SCN8A: variants seen among roughly 807,000 people sequenced by gnomAD.
The protein encoded by SCN8A is sodium voltage-gated channel alpha subunit 8.
Under a neutral mutation model 184.1 loss-of-function variants are expected in SCN8A, and 30 were observed. The ratio of observed to expected loss-of-function variants is 0.16; its 90% CI spans 0.12 to 0.22. The LOEUF is 0.22. Ranked by LOEUF, SCN8A falls within the 10% of genes least tolerant of loss-of-function variation. SCN8A has a pLI of 1.00. For missense variants in SCN8A, 1,057 were observed against 2,498.9 expected (o/e 0.42, Z 12.30); for synonymous variants, 852 against 907.0 (o/e 0.94, Z 1.09).
rs1170421131 is a variant in SCN8A at position 51,721,884 on chromosome 12, C to T, written c.1974C>T (p.His658=). 6.2e-7 allele frequency: 1 copy of T among 1,600,906 alleles called. No individual in the cohort carries two copies. Among genetic ancestry groups the T allele is most frequent in the South Asian group, 1.1e-5 (1 of 91,084 alleles). Residue 658 remains histidine, a synonymous_variant, in exon 12 of 27, where the codon CAC becomes CAT. Coordinates refer to ENST00000627620, the MANE Select transcript of SCN8A (RefSeq NM_001330260.2). ...VVSLIGGPGS[H]IGGRLLPEAT... is the part of the protein sequence containing the mutation. ...CCCTCATCGGCGGCCCCGGCTCCCA[C>T]ATCGGCGGGCGTCTCCTGCCAGAGG... is the stretch of plus-strand genomic sequence containing the variant.
At chr12:51,774,385 C>T (rs772081898) in intron 20 of SCN8A, 23 bp downstream of exon 20, 3 of 1,577,958 alleles carry the variant, frequency 1.9e-6, no homozygotes, top group South Asian at 2.4e-5. Flanking sequence ...CTTTCTGTTT[C>T]CCACCCCTTC....
At chr12:51,791,833 G>A (rs1375168257) in intron 25 of SCN8A, among the ~76,000 whole-genome samples, 2 of 152,104 alleles carry the variant, frequency 1.3e-5, no homozygotes, top group African/African-American at 2.4e-5. Flanking sequence ...AGCCATGACC[G>A]TGCCACTGTA....
At chr12:51,701,102 T>C in intron 7 of SCN8A, 42 bp from the exon 8 acceptor site, 1 of 1,418,948 alleles carries the variant, frequency 7.0e-7, no homozygotes, top group Non-Finnish European at 1.0e-6. Context: ...CTCATTCACT[T>C]AAATCTGCCT....
In SCN8A at chr12:51,746,315, CTGTCAT is replaced by C. The variant is rs148715701; in HGVS notation, c.2131+287_2131+292del. Among the ~76,000 whole-genome samples the C allele has an allele frequency of 2.3e-3, 355 of 152,278 alleles. 2 individuals carry two copies. Among genetic ancestry groups the C allele is most frequent in the African/African-American group, 8.0e-3 (332 of 41,548 alleles). On this transcript the variant is annotated intron_variant, in intron 13 of 26. Transcript: ENST00000627620. ...AGTGACCTAGAGGAGCTCAAGACCC[CTGTCAT>C]TGTCATCATGAGGAGTCAGTGGGGT...
At chr12:51,598,984 G>A (rs1034037267) in intron 1 of SCN8A, among the ~76,000 whole-genome samples, 2 of 152,138 alleles carry the variant, frequency 1.3e-5, no homozygotes, top group Non-Finnish European at 2.9e-5. Flanking sequence ...TAATGTGCAA[G>A]TTAGTTTGGG....
chr12:51,617,263 G>C (rs1170797731), intron 1 of SCN8A, among the ~76,000 whole-genome samples: 1 of 151,938 alleles, frequency 6.6e-6, no homozygotes, highest in African/African-American at 2.4e-5. Flanking sequence ...TTGTCCCATG[G>C]GTCATTGAGA....
chr12:51,664,882 C>A (rs371979640), intron 2 of SCN8A, among the ~76,000 whole-genome samples: 5 of 152,096 alleles, frequency 3.3e-5, no homozygotes, highest in Non-Finnish European at 7.4e-5. Context: ...CTCCCTCCCC[C>A]CATTCCCTAC....
chr12:51,788,761 A>G lies in SCN8A; in HGVS notation c.4281+13A>G, dbSNP rs9943809. On this transcript the variant is annotated intron_variant, in intron 23 of 26. Transcript: ENST00000627620. ...AGATTCCCGGAAGGTAAGGATGTACATGGCGAAAATACCACCTTCTCAGAT... is the reference window on the plus strand; with the variant it reads ...AGATTCCCGGAAGGTAAGGATGTACGTGGCGAAAATACCACCTTCTCAGAT... 0.1 allele frequency: 163,750 copies of G among 1,603,488 alleles called. 12,285 individuals carry two copies. Among genetic ancestry groups the G allele is most frequent in the East Asian group, 0.42 (18,532 of 44,208 alleles).
chr12:51,663,274 G>C (rs1042107457), intron 2 of SCN8A, among the ~76,000 whole-genome samples, 181 bp downstream of exon 2: 1 of 152,106 alleles, frequency 6.6e-6, no homozygotes, highest in Non-Finnish European at 1.5e-5. Context: ...TTGTGGTCTT[G>C]GCACTCATCA....
intron 19 of SCN8A, among the ~76,000 whole-genome samples, chr12:51,773,254 TCCTC>T (rs1942957160): frequency 6.6e-6 from 1 of 152,150 alleles, no homozygotes; most frequent in Admixed American, 6.5e-5. Flanking sequence ...ACAGAGGACT[TCCTC>T]CCCACCTCCA....
intron 26 of SCN8A, among the ~76,000 whole-genome samples, chr12:51,798,002 C>G (rs1471999610): frequency 6.6e-6 from 1 of 152,112 alleles, no homozygotes; most frequent in South Asian, 2.1e-4. Context: ...CCATTTCCAC[C>G]CCTTGATTCC....
At chr12:51,645,774 C>T (rs1592351750) in intron 1 of SCN8A, among the ~76,000 whole-genome samples, 1 of 147,686 alleles carries the variant, frequency 6.8e-6, no homozygotes, top group East Asian at 2.0e-4. Context: ...TAAGAGTCAT[C>T]ACCACTCCCT....
At chr12:51,692,779 C>T (rs1941533315) in intron 6 of SCN8A, among the ~76,000 whole-genome samples, 1 of 152,224 alleles carries the variant, frequency 6.6e-6, no homozygotes, top group Admixed American at 6.5e-5. Flanking sequence ...ACAGGGCTGA[C>T]ATGCCCAAAG....
chr12:51,802,322 G>A (rs1427735908), intron 26 of SCN8A, among the ~76,000 whole-genome samples: 2 of 152,154 alleles, frequency 1.3e-5, no homozygotes, highest in Non-Finnish European at 1.5e-5. Flanking sequence ...TGCCACCACT[G>A]GGGGTGAGGA....
At chr12:51,738,037 T>C (rs1382532444) in intron 12 of SCN8A, among the ~76,000 whole-genome samples, 1 of 152,212 alleles carries the variant, frequency 6.6e-6, no homozygotes, top group African/African-American at 2.4e-5. Context: ...CTGTTAACCA[T>C]TTTAAAGGTA....
chr12:51,725,791 C>A (rs530503914), intron 12 of SCN8A, among the ~76,000 whole-genome samples: 86 of 152,254 alleles, frequency 5.6e-4, no homozygotes, highest in African/African-American at 2.0e-3. Context: ...CTTAATATCT[C>A]TTAAATTAAC....
At chr12:51,753,157 A>G (rs1345568300) in intron 14 of SCN8A, among the ~76,000 whole-genome samples, 3 of 152,204 alleles carry the variant, frequency 2.0e-5, no homozygotes, top group Non-Finnish European at 4.4e-5. Flanking sequence ...AAAAGAGGAA[A>G]TAAGAGAAGG....
At chr12:51,641,175 A>G (rs1940445520) in intron 1 of SCN8A, among the ~76,000 whole-genome samples, 1 of 152,222 alleles carries the variant, frequency 6.6e-6, no homozygotes, top group Admixed American at 6.5e-5. Context: ...TTTACATCAT[A>G]TTAGGTATTA....
At chr12:51,772,456 C>T (rs1031888364) in intron 19 of SCN8A, among the ~76,000 whole-genome samples, 1 of 151,276 alleles carries the variant, frequency 6.6e-6, no homozygotes, top group Non-Finnish European at 1.5e-5. Flanking sequence ...GAAACTAGAA[C>T]GTGGTTACAA....
Sources: allele counts gnomAD v4.1 joint callset (sites outside exome capture counted in the v4.1 genomes callset), GRCh38; gene constraint gnomAD v4.1.1; transcripts MANE v1.5; gene names NCBI Gene and HGNC (gene_info 2026-07-23, HGNC 2026-07-21).